Variants in PHLDB2 observed in about 807,000 individuals in gnomAD.
The protein encoded by PHLDB2 is pleckstrin homology like domain family B member 2.
In PHLDB2, 71 loss-of-function variants were observed where a neutral mutation model predicts 123.6. That is an observed-to-expected ratio of 0.57 (90% CI 0.47 to 0.70). The LOEUF (loss-of-function observed/expected upper bound fraction) is 0.70. PHLDB2 is among the 30% of genes least tolerant of loss of function. PHLDB2 has a pLI of 0.00. For missense variants in PHLDB2, 1,446 were observed against 1,519.5 expected, an observed-to-expected ratio of 0.95 and a Z score of 0.80; for synonymous variants, 547 against 541.6, an observed-to-expected ratio of 1.01 and a Z score of -0.14.
At chr3:111,842,081 A>C (rs1282343308) in intron 1 of PHLDB2, among the ~76,000 whole-genome samples, 2 of 152,180 alleles carry the variant, frequency 1.3e-5, no homozygotes, top group African/African-American at 2.4e-5. Context: ...AAATTTAGGG[A>C]AAAGTACCTT....
chr3:111,734,736 A>G (rs573597086), intron 1 of PHLDB2, among the ~76,000 whole-genome samples: 1 of 152,290 alleles, frequency 6.6e-6, no homozygotes, highest in African/African-American at 2.4e-5. Flanking sequence ...CCAGGATTCT[A>G]CTCAGTTCTG....
chr3:111,809,278 C>T (rs1178022048), intron 1 of PHLDB2, among the ~76,000 whole-genome samples: 1 of 152,138 alleles, frequency 6.6e-6, no homozygotes, highest in Non-Finnish European at 1.5e-5. Flanking sequence ...GAAGAAAGCT[C>T]TTGCTGTGGA....
chr3:111,793,196 G>A (rs560410403), intron 1 of PHLDB2, among the ~76,000 whole-genome samples: 2 of 152,316 alleles, frequency 1.3e-5, no homozygotes, highest in African/African-American at 4.8e-5. Flanking sequence ...AGGAACTTTA[G>A]GAATCTACCT....
At chr3:111,848,999 C>A (rs1294223018) in intron 2 of PHLDB2, among the ~76,000 whole-genome samples, 2 of 152,190 alleles carry the variant, frequency 1.3e-5, no homozygotes, top group Non-Finnish European at 2.9e-5. Context: ...AATTACCTAA[C>A]AATGCATTTC....
intron 1 of PHLDB2, among the ~76,000 whole-genome samples, chr3:111,871,080 A>G (rs925007955): frequency 2.6e-5 from 4 of 152,186 alleles, no homozygotes; most frequent in African/African-American, 9.6e-5. Context: ...TCTCAACAAT[A>G]TGAAACGATT....
chr3:111,824,741 C>T (rs1257264642), intron 1 of PHLDB2, among the ~76,000 whole-genome samples: 1 of 152,144 alleles, frequency 6.6e-6, no homozygotes, highest in Non-Finnish European at 1.5e-5. Context: ...TTACACGAGT[C>T]GATGGTTTTC....
In PHLDB2 at chr3:111,952,695, A is replaced by G. The variant is rs1476812419; in HGVS notation, c.2755A>G (p.Arg919Gly). The G allele has an allele frequency of 1.2e-6, 2 of 1,612,926 alleles. No individual in the cohort carries two copies. The highest frequency in any genetic ancestry group is 8.5e-7 in the Non-Finnish European group (1 of 1,179,660). The change falls in exon 11 of 18, where the codon AGA (arginine) becomes GGA (glycine). Residue 919 changes from arginine (R) to glycine (G), a missense_variant. Physicochemically the swap from Arg to Gly is moderately radical, Grantham distance 125 (BLOSUM62 -2). This residue lies in a region of PHLDB2 where 594 missense variants were observed against 646.0 expected (regional missense o/e 0.92). Coordinates refer to ENST00000431670, the MANE Select transcript of PHLDB2 (RefSeq NM_001134438.2). Reference protein sequence around the residue: ...SPHFSSATMGRSITPKAHLPL... With the variant: ...SPHFSSATMGGSITPKAHLPL... ...ACATTTCAGCAGTGCTACTATGGGG[A>G]GAAGCATCACCCCAAAGGTAGGACC... is the stretch of plus-strand genomic sequence containing the variant.
intron 12 of PHLDB2, chr3:111,958,788 G>A (rs2071209990): frequency 2.2e-6 from 1 of 450,752 alleles, no homozygotes; most frequent in African/African-American, 2.0e-5. Context: ...TTAAAAAACA[G>A]AAACCAAATA....
At chr3:111,813,809 A>G (rs1246821557) in intron 1 of PHLDB2, among the ~76,000 whole-genome samples, 1 of 152,236 alleles carries the variant, frequency 6.6e-6, no homozygotes, top group Non-Finnish European at 1.5e-5. Context: ...AGGCCACTTA[A>G]TTAGAGCAAA....
chr3:111,834,273 A>AAT (rs200113591), intron 1 of PHLDB2, among the ~76,000 whole-genome samples: 19,768 of 82,660 alleles, frequency 0.24, 3,386 homozygotes, highest in South Asian at 0.29. Context: ...TTATATACAT[A>AAT]ATATATATAA....
chr3:111,886,173 T>C (rs2066150567), intron 2 of PHLDB2, among the ~76,000 whole-genome samples: 1 of 152,260 alleles, frequency 6.6e-6, no homozygotes, highest in Non-Finnish European at 1.5e-5. Context: ...ATTACTTTGA[T>C]TCATTTTTGA....
intron 5 of PHLDB2, among the ~76,000 whole-genome samples, chr3:111,931,519 C>T (rs1287501307): frequency 6.6e-6 from 1 of 152,008 alleles, no homozygotes; most frequent in Non-Finnish European, 1.5e-5. Flanking sequence ...CTTTTTTTCA[C>T]AGTCCGTGTT....
intron 15 of PHLDB2, among the ~76,000 whole-genome samples, chr3:111,968,183 A>G (rs1303241445): frequency 1.3e-5 from 2 of 152,166 alleles, no homozygotes; most frequent in Admixed American, 6.5e-5. Flanking sequence ...CTGAAAACAA[A>G]TACAACATTT....
chr3:111,801,875 GTGTTT>G (rs5851788), intron 1 of PHLDB2, among the ~76,000 whole-genome samples: 136,440 of 151,250 alleles, frequency 0.9, 62,179 homozygotes, highest in East Asian at 0.98. Flanking sequence ...ATGGATATGG[GTGTTT>G]TGTTTTGTTT....
At chr3:111,910,221 C>T (rs2067805856) in intron 2 of PHLDB2, among the ~76,000 whole-genome samples, 1 of 152,120 alleles carries the variant, frequency 6.6e-6, no homozygotes, top group South Asian at 2.1e-4. Context: ...TCCTTCAACA[C>T]TTCCTTTGAT....
At chr3:111,808,529 G>A in intron 1 of PHLDB2, among the ~76,000 whole-genome samples, 1 of 151,494 alleles carries the variant, frequency 6.6e-6, no homozygotes, top group East Asian at 1.9e-4. Flanking sequence ...GGATTCAGAG[G>A]GTACACATGC....
intron 1 of PHLDB2, among the ~76,000 whole-genome samples, chr3:111,835,118 C>G (rs1212610449): frequency 2.6e-5 from 4 of 152,232 alleles, no homozygotes; most frequent in South Asian, 4.2e-4. Flanking sequence ...GCCTCTCATT[C>G]TTAGGCACTT....
intron 1 of PHLDB2, among the ~76,000 whole-genome samples, chr3:111,808,273 G>T (rs767672195): frequency 5.9e-5 from 9 of 152,100 alleles, no homozygotes; most frequent in Non-Finnish European, 1.2e-4. Context: ...AAACCACAGA[G>T]ACTAGCTGTA....
At chr3:111,764,780 C>G (rs1348237711) in intron 1 of PHLDB2, among the ~76,000 whole-genome samples, 1 of 152,150 alleles carries the variant, frequency 6.6e-6, no homozygotes, top group African/African-American at 2.4e-5. Context: ...ATGGTTGCCT[C>G]CTGGAGTTGT....
Sources: gnomAD v4.1 joint callset for allele counts (sites outside exome capture counted in the v4.1 genomes callset) on GRCh38, gnomAD v4.1.1 for gene constraint, gnomAD v4.1.1 regional missense constraint, MANE v1.5 for transcripts, NCBI Gene and HGNC (gene_info 2026-07-23, HGNC 2026-07-21) for gene names.